The following WNT3A variants were observed in gnomAD, a reference collection of about 807,000 sequenced individuals.
WNT3A encodes Wnt family member 3A.
In WNT3A, 17 loss-of-function variants were observed where a neutral mutation model predicts 37.0. The ratio of observed to expected loss-of-function variants is 0.46; its 90% CI spans 0.31 to 0.69. The LOEUF is 0.69. Among genes scored for constraint, WNT3A ranks in the 30% least tolerant of loss-of-function variants. The probability of loss-of-function intolerance (pLI) is 0.05; values close to 1 mark genes in which losing one functional copy is unlikely to be tolerated. For synonymous variants in WNT3A, 187 were observed against 211.0 expected (o/e 0.89, Z 0.99); for missense variants, 411 against 510.2 (o/e 0.81, Z 1.87).
In WNT3A at chr1:228,042,397, A is replaced by C. The variant is rs1171228096; in HGVS notation, c.314-8259A>C. On this transcript the variant is annotated intron_variant, in intron 2 of 3. Transcript: ENST00000284523. This position sits in a 1 kb window ranked among gnomAD's most constrained non-coding sequence, Gnocchi z 5.2. ...GGACTCTCAGATCCTGGATGGATGG[A>C]TGGATGATGGATGGATGGTGGGTGG... Among the ~76,000 whole-genome samples, 1 of 152,018 alleles carries C rather than the reference A, an allele frequency of 6.6e-6. No homozygotes were observed. The highest frequency in any genetic ancestry group is 6.6e-5 in the Admixed American group (1 of 15,252).
At chr1:228,025,119 C>G (rs949756376) in intron 2 of WNT3A, among the ~76,000 whole-genome samples, 1 of 151,748 alleles carries the variant, frequency 6.6e-6, no homozygotes, top group African/African-American at 2.4e-5. Flanking sequence ...TTGGGGGGGA[C>G]AGGAAAAAAG....
rs185849783 is a variant in WNT3A at position 228,008,527 on chromosome 1, G to T, written c.71+1328G>T. On this transcript the variant is annotated intron_variant, in intron 1 of 3. Coordinates refer to ENST00000284523, the MANE Select transcript of WNT3A (RefSeq NM_033131.4). The surrounding 1 kb of genome is among the most constrained non-coding windows in gnomAD (Gnocchi z 4.9). Reference sequence around the variant, plus strand: ...GGACGCGCTTCGGGGACCCCCGCGCGCCCCTATTTCCGCGTGCCCCATTTC... The same window carrying T: ...GGACGCGCTTCGGGGACCCCCGCGCTCCCCTATTTCCGCGTGCCCCATTTC... Among the ~76,000 whole-genome samples, 25 of 152,232 alleles carry T rather than the reference G, an allele frequency of 1.6e-4. No individual in the cohort carries two copies. The East Asian group carries it at 4.3e-3, about 26-fold the overall frequency.
rs1363602410 is a variant in WNT3A, at chr1:228,037,702, T to G, written c.314-12954T>G. ...GGGCTCCCCTGGCTCCAGCGGCCTC[T>G]CTGGTATATCATTAACTCTCCCCAG... On this transcript the variant is annotated intron_variant, in intron 2 of 3. Transcript: ENST00000284523. This position sits in a 1 kb window ranked among gnomAD's most constrained non-coding sequence, Gnocchi z 4.1. 6.6e-6 allele frequency among the ~76,000 whole-genome samples: 1 copy of G among 152,150 alleles called. No individual in the cohort carries two copies. Among genetic ancestry groups the G allele is most frequent in the African/African-American group, 2.4e-5 (1 of 41,442 alleles).
In WNT3A at chr1:228,050,862, G is replaced by A; in HGVS notation, c.520G>A (p.Glu174Lys). The A allele has an allele frequency of 1.9e-6, 3 of 1,592,590 alleles. No individual in the cohort carries two copies. The highest frequency in any genetic ancestry group is 2.6e-6 in the Non-Finnish European group (3 of 1,167,184). Residue 174 changes from glutamate (E) to lysine (K), a missense_variant, in exon 3 of 4, where the codon GAG becomes AAG. Transcript: ENST00000284523. This position sits in a 1 kb window ranked among gnomAD's most constrained non-coding sequence, Gnocchi z 5.0. ...GTCTCGGGAGTTCGCCGACGCCCGG[G>A]AGAACCGGCCAGATGCCCGCTCAGC... Reference protein sequence around the residue: ...MVSREFADARENRPDARSAMN... With the variant: ...MVSREFADARKNRPDARSAMN...
Position 228,060,159 on chromosome 1 carries a change from T to C in WNT3A, c.*694T>C, listed in dbSNP as rs373577769. 6 of 1,350,262 alleles carry C rather than the reference T, an allele frequency of 4.4e-6. No homozygotes were observed. The African/African-American group carries it at 7.4e-5, about 17-fold the overall frequency. 83.6% of individuals were successfully genotyped at this position (1,350,262 alleles called of 1,614,324 possible). ...GGGCTTCTCTCCGCGGGTGGGACTC[T>C]TCCCTGGGAACCGCCCTCCTGATTA... On this transcript the variant is annotated 3_prime_UTR_variant, in exon 4 of 4. Transcript: ENST00000284523.
intron 2 of WNT3A, among the ~76,000 whole-genome samples, chr1:228,044,183 T>C (rs1290428419): frequency 6.6e-6 from 1 of 152,122 alleles, no homozygotes. Flanking sequence ...AAGGGGGTCT[T>C]GCTATGTTGC....
chr1:228,052,549 G>A (rs1228484203), intron 3 of WNT3A, among the ~76,000 whole-genome samples: 1 of 152,212 alleles, frequency 6.6e-6, no homozygotes, highest in Non-Finnish European at 1.5e-5. Flanking sequence ...GGCCAAGGGA[G>A]GAAAGATGGC....
At chr1:228,032,779 A>G (rs539121762) in intron 2 of WNT3A, among the ~76,000 whole-genome samples, 2 of 152,156 alleles carry the variant, frequency 1.3e-5, no homozygotes, top group Admixed American at 1.3e-4. Flanking sequence ...ACCATTTTAC[A>G]TTCCCATCAG....
chr1:228,038,201 G>T lies in WNT3A; in HGVS notation c.314-12455G>T, dbSNP rs1438893000. Among the ~76,000 whole-genome samples, 5 of 151,930 alleles carry T rather than the reference G, an allele frequency of 3.3e-5. No individual in the cohort carries two copies. The highest frequency in any genetic ancestry group is 1.2e-4 in the African/African-American group (5 of 41,384). On this transcript the variant is annotated intron_variant, in intron 2 of 3. Transcript: ENST00000284523. The surrounding 1 kb of genome is among the most constrained non-coding windows in gnomAD (Gnocchi z 5.7). ...AAATGCCACCGCGACACCCCCTCCC[G>T]GCCGCCTGGCTCCTCCTGGGGCCGC...
At chr1:228,055,191 T>TAC in intron 3 of WNT3A, among the ~76,000 whole-genome samples, 1 of 47,844 alleles carries the variant, frequency 2.1e-5, no homozygotes, top group East Asian at 9.8e-4. Context: ...TATATATATA[T>TAC]ATATATATAT....
At chr1:228,018,985 C>A (rs1406184649) in intron 1 of WNT3A, among the ~76,000 whole-genome samples, 1 of 152,240 alleles carries the variant, frequency 6.6e-6, no homozygotes, top group East Asian at 1.9e-4. Flanking sequence ...TCCACAAGGG[C>A]CCGTCAAGGG....
intron 1 of WNT3A, among the ~76,000 whole-genome samples, chr1:228,011,348 C>T (rs1250042377): frequency 1.3e-5 from 2 of 152,140 alleles, no homozygotes; most frequent in African/African-American, 4.8e-5. Flanking sequence ...CCCAGAGTCA[C>T]CCTGCCTCCA....
At chr1:228,018,266 CAGGGTGTGGG>C (rs1452495058) in intron 1 of WNT3A, among the ~76,000 whole-genome samples, 2 of 152,188 alleles carry the variant, frequency 1.3e-5, no homozygotes, top group Admixed American at 6.5e-5. Context: ...GCCTGGCCCA[CAGGGTGTGGG>C]AGGAGGAAGT....
At chr1:228,047,034 G>A (rs1347030905) in intron 2 of WNT3A, among the ~76,000 whole-genome samples, 1 of 152,148 alleles carries the variant, frequency 6.6e-6, no homozygotes, top group Non-Finnish European at 1.5e-5. Flanking sequence ...GGGCAAATTG[G>A]CTGAGAGGCC....
intron 3 of WNT3A, among the ~76,000 whole-genome samples, chr1:228,057,649 A>C (rs2031706950): frequency 6.6e-6 from 1 of 152,164 alleles, no homozygotes; most frequent in Non-Finnish European, 1.5e-5. Flanking sequence ...GACGAGGAGG[A>C]GGCAGGATTG....
intron 1 of WNT3A, among the ~76,000 whole-genome samples, chr1:228,017,985 G>A (rs978968918): frequency 3.9e-5 from 6 of 152,204 alleles, no homozygotes; most frequent in African/African-American, 2.4e-5. Flanking sequence ...AGAACAGCAC[G>A]GGGGCTTTGC....
At chr1:228,018,148 C>T (rs772193074) in intron 1 of WNT3A, among the ~76,000 whole-genome samples, 2 of 152,146 alleles carry the variant, frequency 1.3e-5, no homozygotes, top group Admixed American at 6.5e-5. Context: ...ATCTCGAAGA[C>T]GGGGTTCTCA....
chr1:228,020,618 A>G (rs2030677197), intron 1 of WNT3A, among the ~76,000 whole-genome samples: 1 of 152,232 alleles, frequency 6.6e-6, no homozygotes, highest in Non-Finnish European at 1.5e-5. Flanking sequence ...CCCAGGCTGC[A>G]TCAGCACTTC....
rs145514284 is a variant in WNT3A, at chr1:228,052,448, G to A, written c.579+1527G>A. On this transcript the variant is annotated intron_variant, in intron 3 of 3. Transcript: ENST00000284523. Reference sequence around the variant, plus strand: ...TGTGAGCCACCATGCCCAGCCGAGGGTAAAGATTTTAACCCATGAATTTTT... The same window carrying A: ...TGTGAGCCACCATGCCCAGCCGAGGATAAAGATTTTAACCCATGAATTTTT... Among the ~76,000 whole-genome samples the A allele has an allele frequency of 5.9e-3, 903 of 152,232 alleles. 11 individuals are homozygous for A. The highest frequency in any genetic ancestry group is 0.021 in the African/African-American group (872 of 41,538).
Sources: gnomAD v4.1 joint callset for allele counts (sites outside exome capture counted in the v4.1 genomes callset) on GRCh38, gnomAD v4.1.1 for gene constraint, Gnocchi (gnomAD v3.1) non-coding constraint, MANE v1.5 for transcripts, NCBI Gene and HGNC (gene_info 2026-07-23, HGNC 2026-07-21) for gene names.